The following SAMMSON variants were observed in gnomAD, a reference collection of about 807,000 sequenced individuals.
SAMMSON encodes long intergenic non-protein coding RNA 1212.
chr3:70,268,589 G>T (rs1381573453), intron 6 of SAMMSON, among the ~76,000 whole-genome samples: 1 of 151,998 alleles, frequency 6.6e-6, no homozygotes, highest in Non-Finnish European at 1.5e-5. Flanking sequence ...GTTCACTCTG[G>T]TGATGTACCT....
In SAMMSON at chr3:70,289,222, G is replaced by A. The variant is rs1414456471; in HGVS notation, n.675-1957G>A. On this transcript the variant is annotated intron_variant and non_coding_transcript_variant, in intron 6 of 9. Coordinates refer to ENST00000642114, the Ensembl canonical transcript of SAMMSON. ...CCGGTTGTTCCTTTCCATGTTTAGC[G>A]CTTCCTTCAGGAGCTCTTTTAGGGC... 2.9e-3 allele frequency among the ~76,000 whole-genome samples: 435 copies of A among 148,390 alleles called. 2 individuals are homozygous for A. Among genetic ancestry groups the A allele is most frequent in the African/African-American group, 0.01 (408 of 40,354 alleles).
chr3:70,212,010 C>T (rs2106729562), intron 4 of SAMMSON, among the ~76,000 whole-genome samples: 1 of 152,030 alleles, frequency 6.6e-6, no homozygotes, highest in African/African-American at 2.4e-5. Context: ...TGTATTTTTT[C>T]CTTAAGACTT....
At chr3:70,110,987 G>A (rs936702932) in intron 4 of SAMMSON, among the ~76,000 whole-genome samples, 8 of 152,150 alleles carry the variant, frequency 5.3e-5, no homozygotes, top group Admixed American at 2.6e-4. Flanking sequence ...CTCCTGGCTT[G>A]CCTGGGGGCC....
chr3:70,364,154 T>C (rs1417129811), intron 9 of SAMMSON, among the ~76,000 whole-genome samples: 3 of 151,968 alleles, frequency 2.0e-5, no homozygotes, highest in African/African-American at 2.4e-5. Flanking sequence ...CAGTTTTATT[T>C]CTACAATTAA....
chr3:70,187,288 G>A (rs1392745652), intron 4 of SAMMSON, among the ~76,000 whole-genome samples: 1 of 152,120 alleles, frequency 6.6e-6, no homozygotes, highest in East Asian at 1.9e-4. Flanking sequence ...GGTCTCCCAC[G>A]TGTGTTCCTT....
At chr3:70,232,434 G>A (rs1417953203) in intron 4 of SAMMSON, among the ~76,000 whole-genome samples, 6 of 150,268 alleles carry the variant, frequency 4.0e-5, no homozygotes, top group Non-Finnish European at 8.9e-5. Flanking sequence ...ATGGAGTCTC[G>A]CTCTGTCGCC....
chr3:70,250,411 T>TCACACACA lies in SAMMSON; in HGVS notation n.674+774_674+781dup, dbSNP rs61355248. Among the ~76,000 whole-genome samples, 317 of 124,950 alleles carry TCACACACA rather than the reference T, an allele frequency of 2.5e-3. 1 individual carries two copies. The highest frequency in any genetic ancestry group is 0.015 in the East Asian group (39 of 2,616). The allele number at this position is 124,950 out of a possible 152,430, so 82.0% of individuals were successfully genotyped here. ...TTCGGTATTTTTCTTTTAATGAATC[T>TCACACACA]CACACACACACACACACACACACAC... On this transcript the variant is annotated intron_variant and non_coding_transcript_variant, in intron 6 of 9. Transcript: ENST00000642114.
chr3:70,036,170 G>A (rs1408697834), intron 3 of SAMMSON, among the ~76,000 whole-genome samples: 2 of 152,134 alleles, frequency 1.3e-5, no homozygotes, highest in African/African-American at 4.8e-5. Context: ...GAATAAGGGA[G>A]AGAGGCCAAT....
At chr3:70,255,735 G>T (rs750049567) in intron 6 of SAMMSON, among the ~76,000 whole-genome samples, 1 of 152,132 alleles carries the variant, frequency 6.6e-6, no homozygotes, top group Admixed American at 6.5e-5. Flanking sequence ...AGGATTACAG[G>T]TATGATCCCC....
At position 70,159,022 on chromosome 3, in the gene SAMMSON, C is replaced by T. The variant is rs189836123; in HGVS notation, n.507+87457C>T. Among the ~76,000 whole-genome samples, 1,444 of 151,868 alleles carry T rather than the reference C, an allele frequency of 9.5e-3. 10 individuals carry two copies. Among genetic ancestry groups the T allele is most frequent in the Non-Finnish European group, 0.015 (1,019 of 67,932 alleles). On this transcript the variant is annotated intron_variant and non_coding_transcript_variant, in intron 4 of 9. Transcript: ENST00000642114. ...TTATATTTTCTGTTTTTTTCCTATA[C>T]TTTTTAAAAAATTGACCAGTCATTT...
chr3:70,210,547 T>G (rs1701332931), intron 4 of SAMMSON, among the ~76,000 whole-genome samples: 1 of 152,090 alleles, frequency 6.6e-6, no homozygotes, highest in East Asian at 1.9e-4. Context: ...TTTATTGTAT[T>G]ATTCGACATT....
At chr3:70,183,283 A>G (rs189546500) in intron 4 of SAMMSON, 9 of 152,290 alleles carry the variant, frequency 5.9e-5, no homozygotes, top group African/African-American at 2.2e-4. Context: ...AGTTTTCAGG[A>G]ACCATGAAGA....
intron 3 of SAMMSON, among the ~76,000 whole-genome samples, chr3:70,044,825 A>C (rs1170494087): frequency 1.3e-5 from 2 of 149,194 alleles, no homozygotes; most frequent in African/African-American, 4.9e-5. Flanking sequence ...AAATAATTGT[A>C]AATATTTTAT....
intron 7 of SAMMSON, among the ~76,000 whole-genome samples, chr3:70,338,678 G>A (rs1003943108): frequency 1.3e-5 from 2 of 152,006 alleles, no homozygotes; most frequent in African/African-American, 4.8e-5. Context: ...AAAATACCTA[G>A]GAAACAAACT....
chr3:70,252,332 T>A (rs1463242495), intron 6 of SAMMSON, among the ~76,000 whole-genome samples: 3 of 152,184 alleles, frequency 2.0e-5, no homozygotes, highest in African/African-American at 7.2e-5. Flanking sequence ...AATTCTCCCA[T>A]AAGCCTTTCA....
chr3:70,316,960 G>A (rs1702498710), intron 7 of SAMMSON, among the ~76,000 whole-genome samples: 1 of 151,982 alleles, frequency 6.6e-6, no homozygotes, highest in South Asian at 2.1e-4. Context: ...ATCGTGTAAG[G>A]ATAAACATGT....
At chr3:70,066,651 G>C (rs2067211314) in intron 3 of SAMMSON, among the ~76,000 whole-genome samples, 1 of 152,046 alleles carries the variant, frequency 6.6e-6, no homozygotes, top group African/African-American at 2.4e-5. Context: ...ATGTAAAATA[G>C]TCTCTTTTAT....
intron 4 of SAMMSON, chr3:70,126,646 C>A: frequency 3.0e-6 from 1 of 331,732 alleles, no homozygotes; most frequent in South Asian, 3.6e-5. Flanking sequence ...ACATGTGGGA[C>A]TCACTGTCAA....
chr3:70,002,725 T>G (rs1330137372), intron 1 of SAMMSON, among the ~76,000 whole-genome samples: 1 of 152,182 alleles, frequency 6.6e-6, no homozygotes, highest in East Asian at 1.9e-4. Flanking sequence ...TCAGAGAACA[T>G]ACTCTATATG....
Sources: allele counts gnomAD v4.1 joint callset (sites outside exome capture counted in the v4.1 genomes callset), GRCh38; gene constraint gnomAD v4.1.1; transcripts MANE v1.5; gene names NCBI Gene and HGNC (gene_info 2026-07-23, HGNC 2026-07-21).